Variants in ROBO1 observed in about 807,000 individuals in gnomAD.
The protein encoded by ROBO1 is roundabout homolog 1.
ROBO1 carries 149 observed loss-of-function variants against 195.9 expected under a neutral mutation model. That is an observed-to-expected ratio of 0.76 (90% CI 0.67 to 0.87). The LOEUF is 0.87. ROBO1 is among the 40% of genes least tolerant of loss of function. The pLI is 0.00. For missense variants in ROBO1, 1,933 were observed against 2,068.3 expected (o/e 0.93, Z 1.27); for synonymous variants, 816 against 733.2 (o/e 1.11, Z -1.82).
intron 2 of ROBO1, among the ~76,000 whole-genome samples, chr3:79,128,763 C>A (rs2080265078): frequency 6.6e-6 from 1 of 152,118 alleles, no homozygotes; most frequent in South Asian, 2.1e-4. Context: ...ACCTTCACTG[C>A]TTTTCAGGGT....
chr3:78,832,474 T>G (rs1435620493), intron 4 of ROBO1, among the ~76,000 whole-genome samples: 2 of 152,164 alleles, frequency 1.3e-5, no homozygotes, highest in Non-Finnish European at 2.9e-5. Flanking sequence ...CATGAGCTAC[T>G]TGACATCTGC....
At chr3:79,007,355 G>C (rs2077649393) in intron 3 of ROBO1, among the ~76,000 whole-genome samples, 1 of 152,172 alleles carries the variant, frequency 6.6e-6, no homozygotes, top group Non-Finnish European at 1.5e-5. Context: ...GACACAGAAA[G>C]TAATGAGGAA....
At chr3:78,771,214 G>A (rs1233897428) in intron 4 of ROBO1, among the ~76,000 whole-genome samples, 1 of 152,112 alleles carries the variant, frequency 6.6e-6, no homozygotes, top group Non-Finnish European at 1.5e-5. Context: ...GTAGGTGCAC[G>A]GCTTTATTTC....
intron 2 of ROBO1, among the ~76,000 whole-genome samples, chr3:79,422,415 G>A (rs2038264239): frequency 1.3e-5 from 2 of 152,046 alleles, no homozygotes; most frequent in South Asian, 4.1e-4. Flanking sequence ...TTCTGCGAAT[G>A]CTGTTAGTAA....
chr3:79,644,894 TCAA>T (rs149859254), intron 1 of ROBO1, among the ~76,000 whole-genome samples: 4,016 of 151,316 alleles, frequency 0.027, 94 homozygotes, highest in East Asian at 0.14. Context: ...AAACCAGAAA[TCAA>T]CAACAAGAGG....
At chr3:79,710,691 T>C (rs145181140) in intron 1 of ROBO1, among the ~76,000 whole-genome samples, 68 of 152,258 alleles carry the variant, frequency 4.5e-4, no homozygotes, top group Non-Finnish European at 7.9e-4. Flanking sequence ...CTAATCATCA[T>C]ATCCAATGGT....
At chr3:79,126,432 G>C (rs2080216546) in intron 2 of ROBO1, among the ~76,000 whole-genome samples, 1 of 152,168 alleles carries the variant, frequency 6.6e-6, no homozygotes, top group South Asian at 2.1e-4. Context: ...CAGAGGAGCA[G>C]TATGTGTGTA....
At chr3:78,939,006 C>G in intron 3 of ROBO1, 79 bp from the exon 4 acceptor site, 2 of 1,269,686 alleles carry the variant, frequency 1.6e-6, no homozygotes, top group Non-Finnish European at 2.2e-6. Context: ...TTGGCTTAAC[C>G]ATTACTATTT....
intron 3 of ROBO1, among the ~76,000 whole-genome samples, chr3:78,975,263 C>T (rs1046484078): frequency 3.7e-4 from 57 of 152,104 alleles, no homozygotes; most frequent in Non-Finnish European, 2.8e-4. Context: ...GTTAAGTGTA[C>T]ATGCTAATTA....
chr3:78,919,510 T>C (rs1413393651), intron 4 of ROBO1, among the ~76,000 whole-genome samples: 1 of 151,932 alleles, frequency 6.6e-6, no homozygotes, highest in Non-Finnish European at 1.5e-5. Context: ...GGTAAGCCAA[T>C]TGAAGCTTTA....
intron 25 of ROBO1, among the ~76,000 whole-genome samples, chr3:78,629,580 C>T (rs2107495694): frequency 6.6e-6 from 1 of 152,178 alleles, no homozygotes; most frequent in East Asian, 1.9e-4. Flanking sequence ...CCTGTAGTCT[C>T]AGCTACTTGG....
At chr3:79,442,545 C>T (rs1435907497) in intron 2 of ROBO1, among the ~76,000 whole-genome samples, 4 of 152,084 alleles carry the variant, frequency 2.6e-5, no homozygotes, top group Non-Finnish European at 5.9e-5. Context: ...CCCTTTGTCT[C>T]AGGTGCATCC....
intron 4 of ROBO1, among the ~76,000 whole-genome samples, chr3:78,782,511 C>A (rs1346146519): frequency 6.6e-6 from 1 of 151,994 alleles, no homozygotes; most frequent in Non-Finnish European, 1.5e-5. Flanking sequence ...AATTGAAATT[C>A]TTAATGTCGC....
At chr3:78,614,523 T>A (rs545897081) in intron 28 of ROBO1, 125 bp downstream of exon 28, 2 of 1,046,286 alleles carry the variant, frequency 1.9e-6, no homozygotes, top group Admixed American at 2.8e-5. Flanking sequence ...ATAAGTAATA[T>A]GAAGCTGATT....
intron 2 of ROBO1, among the ~76,000 whole-genome samples, chr3:79,556,961 G>T (rs1942723811): frequency 6.8e-6 from 1 of 147,558 alleles, no homozygotes; most frequent in African/African-American, 2.5e-5. Flanking sequence ...ATATTATTAT[G>T]GACTTCATCT....
intron 4 of ROBO1, among the ~76,000 whole-genome samples, chr3:78,834,329 G>A (rs7617433): frequency 0.2 from 30,386 of 151,148 alleles, 3,911 homozygotes; most frequent in Non-Finnish European, 0.28. Context: ...ATTTTGGTGG[G>A]AACGGCTTAG....
At chr3:79,658,723 T>C (rs1446548021) in intron 1 of ROBO1, among the ~76,000 whole-genome samples, 1 of 152,026 alleles carries the variant, frequency 6.6e-6, no homozygotes, top group African/African-American at 2.4e-5. Flanking sequence ...TCATCATTTC[T>C]TTGTATTGGG....
chr3:79,018,881 G>A (rs1220572400), intron 3 of ROBO1: 2 of 1,001,564 alleles, frequency 2.0e-6, no homozygotes, highest in South Asian at 4.3e-5. Context: ...TGGGGTGTGA[G>A]AGCTGCTGAG....
Position 78,606,725 on chromosome 3 carries a change from A to G in ROBO1, c.4744+8T>C, listed in dbSNP as rs770691154. On this transcript the variant is annotated splice_region_variant and intron_variant, in intron 29 of 30. Coordinates refer to ENST00000464233, the MANE Select transcript of ROBO1 (RefSeq NM_002941.4). ...CTGTATTTATTTGCTGCTTGATTGG[A>G]TGAGTACCTTGGATGAGATGAGTCT... 1 of 1,612,458 alleles carries G rather than the reference A, an allele frequency of 6.2e-7. No homozygotes were observed. Among genetic ancestry groups the G allele is most frequent in the Admixed American group, 1.7e-5 (1 of 59,960 alleles).
Sources: gnomAD v4.1 joint callset for allele counts (sites outside exome capture counted in the v4.1 genomes callset) on GRCh38, gnomAD v4.1.1 for gene constraint, MANE v1.5 for transcripts, NCBI Gene and HGNC (gene_info 2026-07-23, HGNC 2026-07-21) for gene names.